ULK4: variants seen among roughly 807,000 people sequenced by gnomAD.
The protein encoded by ULK4 is unc-51 like kinase 4, also known as inactive serine/threonine-protein kinase ULK4.
A neutral mutation model predicts 160.6 loss-of-function variants in ULK4; 133 were observed. That is an observed-to-expected ratio of 0.83 (90% CI 0.72 to 0.96). The LOEUF is 0.96. ULK4 is among the 40% of genes least tolerant of loss of function. The probability of loss-of-function intolerance (pLI) is 0.00; values close to 1 mark genes in which losing one functional copy is unlikely to be tolerated. For missense variants in ULK4, 1,580 were observed against 1,499.5 expected (o/e 1.05, Z -0.89); for synonymous variants, 534 against 539.8 (o/e 0.99, Z 0.15).
chr3:41,622,686 T>C (rs2033314192), intron 30 of ULK4, among the ~76,000 whole-genome samples: 1 of 152,092 alleles, frequency 6.6e-6, no homozygotes. Flanking sequence ...TTGATAGGTG[T>C]AGCAAACCAC....
intron 17 of ULK4, among the ~76,000 whole-genome samples, chr3:41,851,125 TG>T (rs1443862802): frequency 1.1e-4 from 16 of 152,006 alleles, no homozygotes; most frequent in African/African-American, 3.9e-4. Flanking sequence ...TGAATAGGAG[TG>T]GTGAGAGAGG....
intron 32 of ULK4, among the ~76,000 whole-genome samples, chr3:41,514,295 A>G (rs2085681471): frequency 1.3e-5 from 2 of 152,336 alleles, no homozygotes; most frequent in South Asian, 2.1e-4. Flanking sequence ...CATAAAAAGT[A>G]ATAATCTTAC....
Position 41,912,900 on chromosome 3 carries a change from C to T in ULK4, c.804-1G>A, listed in dbSNP as rs1430049707. On this transcript the variant is annotated splice_acceptor_variant, in intron 8 of 36. Coordinates refer to ENST00000301831, the MANE Select transcript of ULK4 (RefSeq NM_017886.4). LOFTEE classifies it high-confidence loss of function. ...CTGCAGTAGCCTTGTCCAAGTCAATCTTTAAAAAACATAAATGTTAAAACT... is the reference window on the plus strand; with the variant it reads ...CTGCAGTAGCCTTGTCCAAGTCAATTTTTAAAAAACATAAATGTTAAAACT... 2 of 1,613,634 alleles carry T rather than the reference C, an allele frequency of 1.2e-6. No individual in the cohort carries two copies. The highest frequency in any genetic ancestry group is 2.2e-5 in the South Asian group (2 of 90,990).
Position 41,728,548 on chromosome 3 carries a change from T to G in ULK4, c.2322-10687A>C, listed in dbSNP as rs73828239. 3.7e-3 allele frequency among the ~76,000 whole-genome samples: 568 copies of G among 152,190 alleles called. 2 individuals carry two copies. The highest frequency in any genetic ancestry group is 0.013 in the African/African-American group (551 of 41,522). On this transcript the variant is annotated intron_variant, in intron 22 of 36. Coordinates refer to ENST00000301831, the MANE Select transcript of ULK4 (RefSeq NM_017886.4). The stretch of plus-strand genomic sequence containing the variant: ...CACCTCCAACAACGCAGATCAAATT[T>G]GGAGGCCTAAGGGACAAACATCCAA...
intron 32 of ULK4, among the ~76,000 whole-genome samples, chr3:41,520,489 T>C (rs1256335694): frequency 2.0e-5 from 3 of 152,200 alleles, no homozygotes; most frequent in Non-Finnish European, 2.9e-5. Flanking sequence ...GTTTCCATCT[T>C]TGGCTATTAT....
At chr3:41,847,368 G>C (rs1395902638) in intron 17 of ULK4, among the ~76,000 whole-genome samples, 5 of 152,132 alleles carry the variant, frequency 3.3e-5, no homozygotes, top group Non-Finnish European at 7.3e-5. Flanking sequence ...TTCCATGTTA[G>C]TGGATATACA....
At chr3:41,444,593 A>G (rs1320602588) in intron 34 of ULK4, among the ~76,000 whole-genome samples, 1 of 152,166 alleles carries the variant, frequency 6.6e-6, no homozygotes, top group Non-Finnish European at 1.5e-5. Context: ...TTAGAGTCTA[A>G]TTATTAAGAC....
chr3:41,584,758 TACTC>T (rs1291504489), intron 31 of ULK4, among the ~76,000 whole-genome samples: 5 of 152,112 alleles, frequency 3.3e-5, no homozygotes, highest in South Asian at 2.1e-4. Flanking sequence ...TTGAACAACA[TACTC>T]AAGATATACA....
intron 35 of ULK4, among the ~76,000 whole-genome samples, chr3:41,357,647 T>G (rs2081054690): frequency 6.6e-6 from 1 of 152,052 alleles, no homozygotes; most frequent in Admixed American, 6.5e-5. Context: ...TAGCACAGAG[T>G]AGGGCTCAGA....
At chr3:41,915,826 A>T (rs1253953245) in intron 8 of ULK4, 151 bp downstream of exon 8, 1 of 501,546 alleles carries the variant, frequency 2.0e-6, no homozygotes, top group African/African-American at 2.0e-5. Context: ...TAATAATTTG[A>T]ATAGCTATTT....
At chr3:41,690,399 A>G (rs2036256739) in intron 27 of ULK4, among the ~76,000 whole-genome samples, 1 of 151,448 alleles carries the variant, frequency 6.6e-6, no homozygotes, top group African/African-American at 2.4e-5. Flanking sequence ...TATGTAACTA[A>G]CCTGCACATT....
At chr3:41,247,089 C>T in intron 36 of ULK4, 97 bp from the exon 37 acceptor site, 1 of 1,166,256 alleles carries the variant, frequency 8.6e-7, no homozygotes, top group Non-Finnish European at 1.2e-6. Flanking sequence ...ACCCGAGTAT[C>T]TGGTGGACCA....
chr3:41,823,496 C>G (rs905801383), intron 18 of ULK4, among the ~76,000 whole-genome samples: 5 of 152,286 alleles, frequency 3.3e-5, no homozygotes, highest in Admixed American at 2.0e-4. Context: ...TTGACAAAAT[C>G]AAGAAAAACA....
At chr3:41,824,943 C>T (rs1343993603) in intron 18 of ULK4, among the ~76,000 whole-genome samples, 1 of 152,202 alleles carries the variant, frequency 6.6e-6, no homozygotes, top group African/African-American at 2.4e-5. Flanking sequence ...CCTCACAGGG[C>T]TGGGTACTCC....
intron 34 of ULK4, among the ~76,000 whole-genome samples, chr3:41,408,489 C>T (rs1000540118): frequency 1.3e-5 from 2 of 149,232 alleles, no homozygotes; most frequent in Non-Finnish European, 3.0e-5. Flanking sequence ...AAACTTCCCA[C>T]ATTCATACAT....
chr3:41,862,794 C>T (rs994148501), intron 17 of ULK4, among the ~76,000 whole-genome samples: 1 of 150,472 alleles, frequency 6.6e-6, no homozygotes, highest in Non-Finnish European at 1.5e-5. Context: ...TCCGCTCCCC[C>T]CCCCCTTTCT....
chr3:41,710,515 C>T (rs915213613), intron 25 of ULK4, among the ~76,000 whole-genome samples: 1 of 152,106 alleles, frequency 6.6e-6, no homozygotes, highest in Non-Finnish European at 1.5e-5. Flanking sequence ...GTCAGAGAAC[C>T]GGACGTGGTG....
intron 35 of ULK4, among the ~76,000 whole-genome samples, chr3:41,387,168 T>C (rs547094318): frequency 1.3e-5 from 2 of 152,292 alleles, no homozygotes; most frequent in African/African-American, 2.4e-5. Flanking sequence ...ATATAATGTA[T>C]AGTGGTCAGA....
chr3:41,919,466 G>A (rs1211373631), intron 6 of ULK4, among the ~76,000 whole-genome samples: 3 of 152,164 alleles, frequency 2.0e-5, no homozygotes, highest in East Asian at 3.9e-4. Flanking sequence ...GCCAGGCATG[G>A]TGGTGGGCAC....
Sources: gnomAD v4.1 joint callset for allele counts (sites outside exome capture counted in the v4.1 genomes callset) on GRCh38, gnomAD v4.1.1 for gene constraint, MANE v1.5 for transcripts, NCBI Gene and HGNC (gene_info 2026-07-23, HGNC 2026-07-21) for gene names.